Variants in BMPR1B observed in about 807,000 individuals in gnomAD.
BMPR1B encodes bone morphogenetic protein receptor type 1B, also known as bone morphogenetic protein receptor type-1B.
BMPR1B carries 12 observed loss-of-function variants against 59.1 expected under a neutral mutation model. That is an observed-to-expected ratio of 0.20 (90% confidence interval 0.13 to 0.33). The LOEUF (loss-of-function observed/expected upper bound fraction) is 0.33. Ranked by LOEUF, BMPR1B falls within the 10% of genes least tolerant of loss-of-function variation. BMPR1B has a pLI of 1.00. For synonymous variants in BMPR1B, 237 were observed against 207.3 expected (o/e 1.14, Z -1.23); for missense variants, 550 against 610.9 (o/e 0.90, Z 1.05).
At chr4:94,903,358 A>G (rs1437440662) in intron 2 of BMPR1B, among the ~76,000 whole-genome samples, 2 of 151,868 alleles carry the variant, frequency 1.3e-5, no homozygotes, top group Non-Finnish European at 2.9e-5. Flanking sequence ...CTGTCTCTAT[A>G]GTGTCTATAG....
chr4:94,985,522 TG>T (rs2149092102), intron 2 of BMPR1B, among the ~76,000 whole-genome samples: 1 of 41,632 alleles, frequency 2.4e-5, no homozygotes, highest in South Asian at 1.1e-3. Context: ...TGTGTGTGTG[TG>T]TGTGTGTGTG....
At chr4:94,841,545 C>A (rs906997088) in intron 1 of BMPR1B, among the ~76,000 whole-genome samples, 5 of 151,986 alleles carry the variant, frequency 3.3e-5, no homozygotes, top group Non-Finnish European at 7.4e-5. Flanking sequence ...TCCGTCACCC[C>A]TTTCTTTGAC....
chr4:94,832,345 G>A (rs145226774), intron 1 of BMPR1B, among the ~76,000 whole-genome samples: 5 of 152,284 alleles, frequency 3.3e-5, no homozygotes, highest in African/African-American at 1.2e-4. Context: ...CTGCCATTAA[G>A]TGATGTATTA....
intron 2 of BMPR1B, among the ~76,000 whole-genome samples, chr4:94,970,276 C>T (rs932349811): frequency 8.7e-6 from 1 of 114,816 alleles, no homozygotes; most frequent in African/African-American, 3.2e-5. Context: ...CTTCTCTTCT[C>T]TTCTCTTCTC....
At chr4:94,934,637 A>G (rs917565454) in intron 2 of BMPR1B, among the ~76,000 whole-genome samples, 1 of 152,004 alleles carries the variant, frequency 6.6e-6, no homozygotes, top group East Asian at 1.9e-4. Flanking sequence ...ATTGCATACA[A>G]TGGGCTATAC....
intron 1 of BMPR1B, among the ~76,000 whole-genome samples, chr4:94,873,790 A>G (rs942578077): frequency 1.2e-4 from 19 of 152,358 alleles, no homozygotes; most frequent in Admixed American, 3.3e-4. Context: ...TACATGTAAC[A>G]TAAAATTTAC....
chr4:94,998,557 A>G (rs1490643951), intron 3 of BMPR1B, among the ~76,000 whole-genome samples: 1 of 151,798 alleles, frequency 6.6e-6, no homozygotes, highest in Non-Finnish European at 1.5e-5. Flanking sequence ...ATTTTTAGTA[A>G]ATATAGGGTT....
rs189381963 is a variant in BMPR1B at position 94,778,850 on chromosome 4, T to C, written c.-183+20782T>C. Among the ~76,000 whole-genome samples, 3 of 152,292 alleles carry C rather than the reference T, an allele frequency of 2.0e-5. No homozygotes were observed. In the East Asian group the frequency reaches 5.8e-4, roughly 29 times the overall value. ...CTTTGTGAAGTGCCTGTTCATATCT[T>C]TTGCTGATTTCGTATTAGATTGGTT... is the stretch of plus-strand genomic sequence containing the variant. On this transcript the variant is annotated intron_variant, in intron 1 of 12. Coordinates refer to ENST00000515059, the MANE Select transcript of BMPR1B (RefSeq NM_001203.3).
intron 2 of BMPR1B, among the ~76,000 whole-genome samples, chr4:94,922,643 T>C (rs1263542216): frequency 2.6e-5 from 4 of 152,094 alleles, no homozygotes; most frequent in Admixed American, 2.0e-4. Context: ...TTATGATATA[T>C]ATTACAATTA....
intron 2 of BMPR1B, among the ~76,000 whole-genome samples, chr4:94,985,224 G>T (rs1022046822): frequency 2.0e-5 from 3 of 152,102 alleles, no homozygotes; most frequent in Non-Finnish European, 4.4e-5. Flanking sequence ...CAGCCTAGTA[G>T]CAATATAGAA....
intron 3 of BMPR1B, among the ~76,000 whole-genome samples, chr4:95,015,297 TA>T (rs1223248806): frequency 6.6e-6 from 1 of 152,228 alleles, no homozygotes; most frequent in African/African-American, 2.4e-5. Context: ...CATGCCTTTT[TA>T]ATGTTCTTTG....
At position 94,951,690 on chromosome 4, in the gene BMPR1B, A is replaced by T. The variant is rs567869150; in HGVS notation, c.-112-44350A>T. On this transcript the variant is annotated intron_variant, in intron 2 of 12. Transcript: ENST00000515059. Reference sequence around the variant, plus strand: ...TCTTATTGAGGATTTTTGCATCAATATTCATCAGCGATATTGGCCTGAAAT... The same window carrying T: ...TCTTATTGAGGATTTTTGCATCAATTTTCATCAGCGATATTGGCCTGAAAT... Among the ~76,000 whole-genome samples the T allele has an allele frequency of 7.1e-3, 1,076 of 152,262 alleles. 14 individuals carry two copies. The highest frequency in any genetic ancestry group is 0.025 in the African/African-American group (1,033 of 41,546).
chr4:95,072,298 C>T (rs1347787562), intron 3 of BMPR1B, among the ~76,000 whole-genome samples: 1 of 152,204 alleles, frequency 6.6e-6, no homozygotes, highest in African/African-American at 2.4e-5. Flanking sequence ...CATCCAAAGA[C>T]ACCCTCACTT....
At chr4:94,851,798 A>G (rs1451208430) in intron 1 of BMPR1B, among the ~76,000 whole-genome samples, 1 of 152,174 alleles carries the variant, frequency 6.6e-6, no homozygotes, top group Non-Finnish European at 1.5e-5. Flanking sequence ...AGTAAACACT[A>G]TGCAAATAAA....
At chr4:95,112,903 T>C (rs148609406) in intron 4 of BMPR1B, among the ~76,000 whole-genome samples, 1,559 of 152,236 alleles carry the variant, frequency 0.01, 23 homozygotes, top group African/African-American at 0.035. Context: ...GAAGAACCCA[T>C]GATAAGGAGA....
At chr4:94,976,105 G>A (rs1186545030) in intron 2 of BMPR1B, among the ~76,000 whole-genome samples, 1 of 152,240 alleles carries the variant, frequency 6.6e-6, no homozygotes, top group Non-Finnish European at 1.5e-5. Flanking sequence ...GCTGGGGCTA[G>A]TCAGACACTT....
intron 3 of BMPR1B, among the ~76,000 whole-genome samples, chr4:95,055,086 C>G (rs1245966115): frequency 4.6e-5 from 7 of 152,142 alleles, no homozygotes; most frequent in Admixed American, 4.6e-4. Context: ...TAGAAATCCA[C>G]TCCCTTGTGA....
chr4:95,062,327 A>C (rs1005839837), intron 3 of BMPR1B, among the ~76,000 whole-genome samples: 1 of 152,196 alleles, frequency 6.6e-6, no homozygotes, highest in Admixed American at 6.6e-5. Flanking sequence ...TATGCATTCT[A>C]ATATTCTAAT....
intron 1 of BMPR1B, among the ~76,000 whole-genome samples, chr4:94,781,696 C>A (rs1722595573): frequency 6.6e-6 from 1 of 152,194 alleles, no homozygotes; most frequent in East Asian, 1.9e-4. Flanking sequence ...AGGCGTGAGC[C>A]ACTCTGCCCA....
Sources: allele counts gnomAD v4.1 joint callset (sites outside exome capture counted in the v4.1 genomes callset), GRCh38; gene constraint gnomAD v4.1.1; transcripts MANE v1.5; gene names NCBI Gene and HGNC (gene_info 2026-07-23, HGNC 2026-07-21).